MSR1: variants seen among roughly 807,000 people sequenced by gnomAD.
The protein encoded by MSR1 is macrophage scavenger receptor types I and II.
MSR1 carries 53 observed loss-of-function variants against 47.2 expected under a neutral mutation model. That is an observed-to-expected ratio of 1.12 (90% CI 0.90 to 1.41). The LOEUF (loss-of-function observed/expected upper bound fraction) is 1.41. Among genes scored for constraint, MSR1 ranks in the 40% most tolerant of loss-of-function variants. The pLI is 0.00. For synonymous variants in MSR1, 239 were observed against 185.6 expected (o/e 1.29, Z -2.34); for missense variants, 786 against 546.9 (o/e 1.44, Z -4.36).
At chr8:16,110,487 A>G (rs1413621973) in intron 9 of MSR1, among the ~76,000 whole-genome samples, 2 of 152,282 alleles carry the variant, frequency 1.3e-5, no homozygotes, top group African/African-American at 2.4e-5. Context: ...GAGATTAAGA[A>G]TGTTTTTTTA....
intron 9 of MSR1, among the ~76,000 whole-genome samples, chr8:16,113,884 C>G (rs1017321940): frequency 2.0e-5 from 3 of 149,124 alleles, no homozygotes; most frequent in Non-Finnish European, 4.5e-5. Flanking sequence ...ACCCTTCTTC[C>G]CACTCCCACC....
chr8:16,190,741 G>T (rs1041958539), intron 1 of MSR1, among the ~76,000 whole-genome samples: 2 of 107,832 alleles, frequency 1.9e-5, no homozygotes, highest in Non-Finnish European at 3.4e-5. Context: ...TTGTTTTTGA[G>T]ATGGAGTTTC....
intron 3 of MSR1, among the ~76,000 whole-genome samples, chr8:16,173,969 G>T (rs529515056): frequency 6.6e-6 from 1 of 151,824 alleles, no homozygotes; most frequent in Non-Finnish European, 1.5e-5. Context: ...TTTTTTTATT[G>T]GCCAACCATG....
chr8:16,190,723 C>CTTTTTTTTT lies in MSR1; in HGVS notation c.-5+1874_-5+1875insAAAAAAAAA, dbSNP rs772816603. The stretch of plus-strand genomic sequence containing the variant: ...TTATCATATTCTTTCTTTTTTCTTT[C>CTTTTTTTTT]TTTCTTTTTGTTTTTGAGATGGAGT... On this transcript the variant is annotated intron_variant, in intron 1 of 9. Coordinates refer to ENST00000262101, the MANE Select transcript of MSR1 (RefSeq NM_138715.3). 8.1e-4 allele frequency among the ~76,000 whole-genome samples: 118 copies of CTTTTTTTTT among 145,270 alleles called. 2 individuals carry two copies. Among genetic ancestry groups the CTTTTTTTTT allele is most frequent in the South Asian group, 1.5e-3 (7 of 4,706 alleles).
intron 2 of MSR1, 130 bp downstream of exon 2, chr8:16,177,756 C>T: frequency 1.4e-6 from 1 of 720,388 alleles, no homozygotes; most frequent in Non-Finnish European, 2.5e-6. Context: ...CTCAAGAATA[C>T]CCCTGTTGGT....
In MSR1 at chr8:16,177,871, T is replaced by G. The variant is rs913676613; in HGVS notation, c.103+15A>C. 1.2e-6 allele frequency: 2 copies of G among 1,601,702 alleles called. No individual in the cohort carries two copies. Among genetic ancestry groups the G allele is most frequent in the Admixed American group, 3.3e-5 (2 of 59,932 alleles). Reference sequence around the variant, plus strand: ...AAGAACAACCTCCATGGGCAGCCCATCCCCCTCTACTTACTCGGAGGAAGC... The same window carrying G: ...AAGAACAACCTCCATGGGCAGCCCAGCCCCCTCTACTTACTCGGAGGAAGC... On this transcript the variant is annotated intron_variant, in intron 2 of 9. Transcript: ENST00000262101.
At chr8:16,191,439 G>A (rs181098773) in intron 1 of MSR1, among the ~76,000 whole-genome samples, 32 of 152,160 alleles carry the variant, frequency 2.1e-4, no homozygotes, top group Admixed American at 1.0e-3. Flanking sequence ...GAATTATTGC[G>A]AGAATTAAAA....
chr8:16,144,682 A>T (rs866532344), intron 7 of MSR1, among the ~76,000 whole-genome samples: 6 of 152,114 alleles, frequency 3.9e-5, no homozygotes, highest in East Asian at 3.9e-4. Flanking sequence ...AAATAAAAAA[A>T]TAACGCTTTT....
Position 16,121,233 on chromosome 8 carries a change from T to TA in MSR1, c.1034-628dup, listed in dbSNP as rs1428647793. The TA allele has an allele frequency of 1.8e-5, 7 of 389,032 alleles. No homozygotes were observed. In the East Asian group the frequency reaches 2.3e-4, roughly 13 times the overall value. 24.1% of individuals were successfully genotyped at this position (389,032 alleles called of 1,614,324 possible). ...TCTTTAGAAAAAAATATTAACGAGA[T>TA]AAAAAATCAGACAATTTTGTTTATT... On this transcript the variant is annotated intron_variant, in intron 8 of 9. Transcript: ENST00000262101.
chr8:16,191,584 T>C (rs1479412314), intron 1 of MSR1, among the ~76,000 whole-genome samples: 1 of 151,982 alleles, frequency 6.6e-6, no homozygotes, highest in African/African-American at 2.4e-5. Context: ...GTACAAGTAG[T>C]ATTTTCTCCA....
chr8:16,114,073 T>G (rs1398668371), intron 9 of MSR1, among the ~76,000 whole-genome samples: 1 of 152,182 alleles, frequency 6.6e-6, no homozygotes, highest in East Asian at 1.9e-4. Flanking sequence ...ATGTTTACAT[T>G]TTAAAACATT....
chr8:16,154,800 G>A (rs753266215), intron 6 of MSR1, among the ~76,000 whole-genome samples: 1 of 151,668 alleles, frequency 6.6e-6, no homozygotes, highest in African/African-American at 2.4e-5. Flanking sequence ...ATTCCATTTG[G>A]TTACTCTGGT....
intron 5 of MSR1, among the ~76,000 whole-genome samples, chr8:16,160,444 C>G (rs190925225): frequency 1.2e-4 from 19 of 152,086 alleles, no homozygotes. Flanking sequence ...CCACTATTTT[C>G]CAGGCACTCT....
chr8:16,127,344 G>C (rs1585141613), intron 8 of MSR1, among the ~76,000 whole-genome samples: 1 of 152,238 alleles, frequency 6.6e-6, no homozygotes, highest in South Asian at 2.1e-4. Flanking sequence ...CATTATGGAA[G>C]AATTAAACTA....
At chr8:16,140,304 C>T (rs1258272010) in intron 8 of MSR1, 1 of 983,750 alleles carries the variant, frequency 1.0e-6, no homozygotes, top group East Asian at 1.1e-4. Context: ...AAAAAAAAAG[C>T]CCTTGACTCA....
intron 8 of MSR1, among the ~76,000 whole-genome samples, chr8:16,126,179 TA>T (rs1214074969): frequency 6.6e-6 from 1 of 152,152 alleles, no homozygotes. Context: ...CCTTAAAAGT[TA>T]GAGAAAAGAT....
intron 3 of MSR1, among the ~76,000 whole-genome samples, chr8:16,172,373 C>T (rs553260096): frequency 7.1e-4 from 108 of 152,222 alleles, no homozygotes; most frequent in Non-Finnish European, 1.1e-3. Context: ...CCTGTTTCAT[C>T]GAACCCTGAG....
chr8:16,159,019 C>G (rs906337931), intron 5 of MSR1, among the ~76,000 whole-genome samples: 2 of 142,024 alleles, frequency 1.4e-5, no homozygotes, highest in African/African-American at 5.2e-5. Context: ...GCCCTCATGT[C>G]TCACTCTCCT....
intron 8 of MSR1, among the ~76,000 whole-genome samples, chr8:16,130,794 C>A (rs1800237478): frequency 6.6e-6 from 1 of 151,694 alleles, no homozygotes; most frequent in Non-Finnish European, 1.5e-5. Flanking sequence ...CAACCATATT[C>A]CTTCAAAGAA....
Sources: allele counts gnomAD v4.1 joint callset (sites outside exome capture counted in the v4.1 genomes callset), GRCh38; gene constraint gnomAD v4.1.1; transcripts MANE v1.5; gene names NCBI Gene and HGNC (gene_info 2026-07-23, HGNC 2026-07-21).